The following GLIS3 variants were observed in gnomAD, a reference collection of about 807,000 sequenced individuals.
GLIS3 encodes the protein zinc finger protein GLIS3.
Under a neutral mutation model 78.6 loss-of-function variants are expected in GLIS3, and 53 were observed. The observed-to-expected ratio is 0.67, with a 90% CI of 0.54 to 0.85. The LOEUF is 0.85. Ranked by LOEUF, GLIS3 falls within the 40% of genes least tolerant of loss-of-function variation. The pLI is 0.00. For synonymous variants in GLIS3, 684 were observed against 509.9 expected (o/e 1.34, Z -4.60); for missense variants, 1,703 against 1,231.1 (o/e 1.38, Z -5.74).
At chr9:4,252,999 G>T (rs569132962) in intron 2 of GLIS3, among the ~76,000 whole-genome samples, 1 of 152,282 alleles carries the variant, frequency 6.6e-6, no homozygotes, top group Admixed American at 6.5e-5. Flanking sequence ...CATTCCAGGG[G>T]GGCACCTGCC....
the GLIS3 span, among the ~76,000 whole-genome samples, chr9:4,477,554 G>A: frequency 6.6e-6 from 1 of 152,018 alleles, no homozygotes; most frequent in Non-Finnish European, 1.5e-5. Context: ...AGCTGGGACT[G>A]CAGATGTGCA....
chr9:4,033,279 T>C (rs1322932438), intron 4 of GLIS3, among the ~76,000 whole-genome samples: 1 of 152,098 alleles, frequency 6.6e-6, no homozygotes, highest in East Asian at 1.9e-4. Context: ...ATAAAGGGTA[T>C]TTCTCCCTCA....
chr9:4,321,990 T>C (rs1817536189), intron 2 of GLIS3, among the ~76,000 whole-genome samples: 1 of 152,104 alleles, frequency 6.6e-6, no homozygotes, highest in Admixed American at 6.5e-5. Flanking sequence ...TAACTAGTCA[T>C]TCACATTAGG....
At chr9:4,193,145 G>A (rs1405895526) in intron 2 of GLIS3, among the ~76,000 whole-genome samples, 2 of 152,228 alleles carry the variant, frequency 1.3e-5, no homozygotes, top group South Asian at 2.1e-4. Context: ...TGGTAACCAG[G>A]TAGAACTTGG....
At chr9:4,197,134 TG>T (rs1818937286) in intron 2 of GLIS3, among the ~76,000 whole-genome samples, 1 of 152,156 alleles carries the variant, frequency 6.6e-6, no homozygotes, top group South Asian at 2.1e-4. Context: ...GCATAGATTG[TG>T]GTGCAGTGGG....
chr9:4,221,892 C>G (rs1018980112), intron 2 of GLIS3, among the ~76,000 whole-genome samples: 3 of 152,184 alleles, frequency 2.0e-5, no homozygotes, highest in African/African-American at 7.2e-5. Context: ...ATCTGTATGG[C>G]AAATCCAGGA....
At chr9:4,374,709 G>A in the GLIS3 span, among the ~76,000 whole-genome samples, 1 of 152,176 alleles carries the variant, frequency 6.6e-6, no homozygotes, top group Non-Finnish European at 1.5e-5. Context: ...TCTTCTAGAT[G>A]AATGATCACA....
At chr9:4,400,222 G>C in the GLIS3 span, among the ~76,000 whole-genome samples, 1 of 152,212 alleles carries the variant, frequency 6.6e-6, no homozygotes, top group African/African-American at 2.4e-5. Flanking sequence ...TCTTCTGTGT[G>C]ATGATGGATT....
At chr9:4,117,687 G>C in intron 4 of GLIS3, 81 bp downstream of exon 4, 1 of 1,536,696 alleles carries the variant, frequency 6.5e-7, no homozygotes, top group Non-Finnish European at 9.0e-7. Flanking sequence ...AAACTCCATG[G>C]GCCGAGTTAG....
intron 7 of GLIS3, among the ~76,000 whole-genome samples, chr9:3,883,560 G>T (rs1821877341): frequency 6.6e-6 from 1 of 152,156 alleles, no homozygotes; most frequent in African/African-American, 2.4e-5. Flanking sequence ...AACGAATAGG[G>T]CACACAATTG....
chr9:4,157,767 TCAGTGTAAC>T (rs1308786686), intron 2 of GLIS3, among the ~76,000 whole-genome samples: 1 of 152,166 alleles, frequency 6.6e-6, no homozygotes, highest in African/African-American at 2.4e-5. Flanking sequence ...ATCCAAGATG[TCAGTGTAAC>T]CAGGCACAAT....
chr9:4,372,870 T>C, the GLIS3 span, among the ~76,000 whole-genome samples: 7 of 152,200 alleles, frequency 4.6e-5, no homozygotes, highest in Non-Finnish European at 8.8e-5. Flanking sequence ...TAAGCAATGA[T>C]AGGGACTCCA....
chr9:4,197,510 G>A (rs558108553), intron 2 of GLIS3, among the ~76,000 whole-genome samples: 1 of 152,252 alleles, frequency 6.6e-6, no homozygotes, highest in African/African-American at 2.4e-5. Flanking sequence ...GGCCAAGGAG[G>A]TTTCCCAGCT....
intron 7 of GLIS3, among the ~76,000 whole-genome samples, chr9:3,892,505 T>C (rs1211157163): frequency 2.0e-5 from 3 of 152,224 alleles, no homozygotes; most frequent in African/African-American, 4.8e-5. Flanking sequence ...ATTCAGTGCC[T>C]GCAATATGCT....
At chr9:4,186,062 C>T (rs933483232) in intron 2 of GLIS3, among the ~76,000 whole-genome samples, 6 of 151,860 alleles carry the variant, frequency 4.0e-5, no homozygotes, top group Non-Finnish European at 7.4e-5. Flanking sequence ...AGGTTAGTTA[C>T]ATATGTATAC....
chr9:4,383,768 T>A, the GLIS3 span, among the ~76,000 whole-genome samples: 1 of 152,258 alleles, frequency 6.6e-6, no homozygotes, highest in Non-Finnish European at 1.5e-5. Flanking sequence ...ATTTTTGGGA[T>A]AATCAGCCTC....
intron 6 of GLIS3, among the ~76,000 whole-genome samples, chr9:3,925,641 G>C (rs7850178): frequency 0.012 from 1,841 of 152,260 alleles, 33 homozygotes; most frequent in African/African-American, 0.042. Context: ...ACTGTGATGA[G>C]ACGGAATCCT....
At chr9:4,140,572 G>C (rs1159669417) in intron 2 of GLIS3, among the ~76,000 whole-genome samples, 1 of 152,124 alleles carries the variant, frequency 6.6e-6, no homozygotes, top group Admixed American at 6.6e-5. Flanking sequence ...CCAAGAAATG[G>C]AAAGTACCCA....
chr9:4,040,527 T>C (rs1824721068), intron 4 of GLIS3, among the ~76,000 whole-genome samples: 1 of 152,228 alleles, frequency 6.6e-6, no homozygotes, highest in African/African-American at 2.4e-5. Context: ...AACCAGATTT[T>C]AGGTCTTTTC....
Sources: allele counts gnomAD v4.1 joint callset (sites outside exome capture counted in the v4.1 genomes callset), GRCh38; gene constraint gnomAD v4.1.1; transcripts MANE v1.5; gene names NCBI Gene and HGNC (gene_info 2026-07-23, HGNC 2026-07-21).